KIRREL3: variants seen among roughly 807,000 people sequenced by gnomAD.
KIRREL3 encodes kirre like nephrin family adhesion molecule 3, also known as kin of IRRE-like protein 3.
KIRREL3 carries 36 observed loss-of-function variants against 89.7 expected under a neutral mutation model. The ratio of observed to expected loss-of-function variants is 0.40; its 90% CI spans 0.31 to 0.53. The LOEUF is 0.53. Ranked by LOEUF, KIRREL3 falls within the 20% of genes least tolerant of loss-of-function variation. KIRREL3 has a pLI of 0.49. For synonymous variants in KIRREL3, 445 were observed against 441.4 expected, an observed-to-expected ratio of 1.01 and a Z score of -0.10; for missense variants, 864 against 1,056.6, an observed-to-expected ratio of 0.82 and a Z score of 2.53.
Position 126,795,830 on chromosome 11 carries a change from A to G in KIRREL3, c.55+204625T>C, listed in dbSNP as rs1434704719. Reference sequence around the variant, plus strand: ...TTCCCCCTGTGCACCCCAAGAGCGTACATCAGCTCTTTGGAGGGGCATGTA... The same window carrying G: ...TTCCCCCTGTGCACCCCAAGAGCGTGCATCAGCTCTTTGGAGGGGCATGTA... On this transcript the variant is annotated intron_variant, in intron 1 of 16. Transcript: ENST00000525144. The surrounding 1 kb of genome is among the most constrained non-coding windows in gnomAD (Gnocchi z 4.1). 1.3e-5 allele frequency among the ~76,000 whole-genome samples: 2 copies of G among 152,192 alleles called. No individual in the cohort carries two copies. Among genetic ancestry groups the G allele is most frequent in the African/African-American group, 4.8e-5 (2 of 41,458 alleles).
intron 1 of KIRREL3, among the ~76,000 whole-genome samples, chr11:126,582,658 G>A (rs1380406992): frequency 3.3e-5 from 5 of 152,150 alleles, no homozygotes; most frequent in Non-Finnish European, 4.4e-5. Flanking sequence ...GCTTCTGCAG[G>A]TCTAAAGCCC....
intron 4 of KIRREL3, among the ~76,000 whole-genome samples, chr11:126,479,720 C>T (rs11220515): frequency 0.15 from 22,332 of 152,220 alleles, 1,863 homozygotes; most frequent in Non-Finnish European, 0.19. Context: ...CCTTCGCTCC[C>T]CCGGGGCCGG....
chr11:126,580,946 T>G (rs1941514819), intron 1 of KIRREL3, among the ~76,000 whole-genome samples: 2 of 152,000 alleles, frequency 1.3e-5, no homozygotes, highest in Non-Finnish European at 2.9e-5. Context: ...AAATGACTCT[T>G]TTGTGCAGAT....
chr11:126,426,976 C>T (rs1172222743), intron 15 of KIRREL3, among the ~76,000 whole-genome samples: 3 of 152,134 alleles, frequency 2.0e-5, no homozygotes, highest in East Asian at 1.9e-4. Context: ...GCGAGAATGA[C>T]GATATCCTCA....
rs112543259 is a variant in KIRREL3 at position 126,606,378 on chromosome 11, C to T, written c.56-43466G>A. The stretch of plus-strand genomic sequence containing the variant: ...TTTCAGTTTCCAAGTCTGTAAAATA[C>T]GGGGAAATAATACCTAACTCATGGA... On this transcript the variant is annotated intron_variant, in intron 1 of 16. Coordinates refer to ENST00000525144, the MANE Select transcript of KIRREL3 (RefSeq NM_032531.4). This position sits in a 1 kb window ranked among gnomAD's most constrained non-coding sequence, Gnocchi z 4.6. 0.039 allele frequency among the ~76,000 whole-genome samples: 5,966 copies of T among 152,128 alleles called. 139 individuals carry two copies. The highest frequency in any genetic ancestry group is 0.071 in the Middle Eastern group (21 of 294).
chr11:126,470,316 G>T (rs1027420737), intron 5 of KIRREL3, among the ~76,000 whole-genome samples: 2 of 152,220 alleles, frequency 1.3e-5, no homozygotes, highest in Non-Finnish European at 2.9e-5. Context: ...CTCTCTCTGT[G>T]TTATATCCTT....
rs767454640 is a variant in KIRREL3, at chr11:126,454,651, C to A, written c.848+1698G>T. ...AGGCCTGGCAGGTGCAGCGTGGAAG[C>A]CTAGGGCCAGGGAGTCTCATTGGGC... On this transcript the variant is annotated intron_variant, in intron 7 of 16. Coordinates refer to ENST00000525144, the MANE Select transcript of KIRREL3 (RefSeq NM_032531.4). The surrounding 1 kb of genome is among the most constrained non-coding windows in gnomAD (Gnocchi z 5.8). Among the ~76,000 whole-genome samples the A allele has an allele frequency of 4.6e-4, 70 of 152,064 alleles. No individual in the cohort carries two copies. The highest frequency in any genetic ancestry group is 8.4e-4 in the Non-Finnish European group (57 of 68,000).
chr11:126,763,816 T>G lies in KIRREL3; in HGVS notation c.56-200904A>C, dbSNP rs1301965391. On this transcript the variant is annotated intron_variant, in intron 1 of 16. Transcript: ENST00000525144. The surrounding 1 kb of genome is among the most constrained non-coding windows in gnomAD (Gnocchi z 4.7). ...CAGTAGGCACTGAGTAAATTCTAGC[T>G]TCCCTGGTGTCCCCTCTCCTTTCCT... 1.3e-5 allele frequency among the ~76,000 whole-genome samples: 2 copies of G among 152,172 alleles called. No individual in the cohort carries two copies. Among genetic ancestry groups the G allele is most frequent in the Non-Finnish European group, 2.9e-5 (2 of 68,028 alleles).
At chr11:126,759,782 A>C (rs1209917936) in intron 1 of KIRREL3, among the ~76,000 whole-genome samples, 1 of 152,254 alleles carries the variant, frequency 6.6e-6, no homozygotes, top group Non-Finnish European at 1.5e-5. Context: ...TTACTTTCCT[A>C]CAGTTATAAA....
rs1193339434 is a variant in KIRREL3, at chr11:126,869,104, A to G, written c.55+131351T>C. 4.0e-5 allele frequency among the ~76,000 whole-genome samples: 6 copies of G among 151,496 alleles called. No individual in the cohort carries two copies. The East Asian group carries it at 9.7e-4, about 24-fold the overall frequency. On this transcript the variant is annotated intron_variant, in intron 1 of 16. Transcript: ENST00000525144. ...CATAAACATTCAGTCCATTGTATCT[A>G]CATAGAAAAAGCTGTTTGTGGTGAA...
At chr11:126,937,551 C>T (rs1437733928) in intron 1 of KIRREL3, among the ~76,000 whole-genome samples, 3 of 152,170 alleles carry the variant, frequency 2.0e-5, no homozygotes, top group Admixed American at 1.3e-4. Flanking sequence ...AAGACAGATA[C>T]TCGGTCTCTT....
chr11:126,700,481 A>G (rs1203703024), intron 1 of KIRREL3, among the ~76,000 whole-genome samples: 4 of 152,242 alleles, frequency 2.6e-5, no homozygotes, highest in South Asian at 2.1e-4. Flanking sequence ...TGCAAAAGCA[A>G]TTGAGGTTTT....
Position 126,594,527 on chromosome 11 carries a change from G to A in KIRREL3, c.56-31615C>T, listed in dbSNP as rs898403204. 3.9e-5 allele frequency among the ~76,000 whole-genome samples: 6 copies of A among 152,076 alleles called. No homozygotes were observed. The highest frequency in any genetic ancestry group is 2.1e-4 in the South Asian group (1 of 4,818). On this transcript the variant is annotated intron_variant, in intron 1 of 16. Coordinates refer to ENST00000525144, the MANE Select transcript of KIRREL3 (RefSeq NM_032531.4). The surrounding 1 kb of genome is among the most constrained non-coding windows in gnomAD (Gnocchi z 5.0). ...GTAACTTTAGAATTCCTTTAGCCTC[G>A]TTTTTCCTTCTTTCTTTCCACATAG...
intron 2 of KIRREL3, among the ~76,000 whole-genome samples, chr11:126,547,184 A>G (rs1343068096): frequency 1.3e-5 from 2 of 152,184 alleles, no homozygotes; most frequent in East Asian, 1.9e-4. Flanking sequence ...CTAAAACATT[A>G]TTTCCCAAAG....
At chr11:126,600,300 G>C (rs1942595606) in intron 1 of KIRREL3, among the ~76,000 whole-genome samples, 1 of 152,196 alleles carries the variant, frequency 6.6e-6, no homozygotes, top group African/African-American at 2.4e-5. Context: ...GTAAAGCCCT[G>C]ACTTACATCT....
chr11:126,618,425 GTCTT>G (rs748765036), intron 1 of KIRREL3, among the ~76,000 whole-genome samples: 7 of 151,752 alleles, frequency 4.6e-5, no homozygotes, highest in Non-Finnish European at 1.0e-4. Context: ...AGTCTCTTTT[GTCTT>G]TCTTTTTTTT....
At chr11:126,580,216 T>C (rs1941472036) in intron 1 of KIRREL3, among the ~76,000 whole-genome samples, 1 of 152,184 alleles carries the variant, frequency 6.6e-6, no homozygotes, top group Non-Finnish European at 1.5e-5. Flanking sequence ...ACATACTTGC[T>C]GGAGAGGCCA....
intron 1 of KIRREL3, among the ~76,000 whole-genome samples, chr11:126,911,840 G>A (rs1054681597): frequency 3.3e-5 from 5 of 152,052 alleles, no homozygotes; most frequent in Non-Finnish European, 5.9e-5. Flanking sequence ...AAAATTAGCC[G>A]GGCGCGGTGG....
rs1275861363 is a variant in KIRREL3, at chr11:126,681,701, G to A, written c.56-118789C>T. 3.2e-5 allele frequency: 11 copies of A among 344,448 alleles called. No homozygotes were observed. The East Asian group carries it at 3.8e-4, about 12-fold the overall frequency. 21.3% of individuals were successfully genotyped at this position (344,448 alleles called of 1,614,324 possible). On this transcript the variant is annotated intron_variant, in intron 1 of 16. Coordinates refer to ENST00000525144, the MANE Select transcript of KIRREL3 (RefSeq NM_032531.4). ...GTCACTGGAGTTGGCCTGGTGCCTC[G>A]TGTATAGTAGGTGATCAATAAACAT...
Sources: allele counts gnomAD v4.1 joint callset (sites outside exome capture counted in the v4.1 genomes callset), GRCh38; gene constraint gnomAD v4.1.1; non-coding constraint Gnocchi (gnomAD v3.1); transcripts MANE v1.5; gene names NCBI Gene and HGNC (gene_info 2026-07-23, HGNC 2026-07-21).